Variants in GMDS observed in about 807,000 individuals in gnomAD.
The protein encoded by GMDS is GDP-mannose 4,6-dehydratase.
In GMDS, 20 loss-of-function variants were observed where a neutral mutation model predicts 49.9. The observed-to-expected ratio is 0.40, with a 90% CI of 0.28 to 0.58. GMDS has a LOEUF of 0.58. Ranked by LOEUF, GMDS falls within the 20% of genes least tolerant of loss-of-function variation. The probability of loss-of-function intolerance (pLI) is 0.42; values close to 1 mark genes in which losing one functional copy is unlikely to be tolerated. For missense variants in GMDS, 362 were observed against 481.4 expected (o/e 0.75, Z 2.32); for synonymous variants, 177 against 178.6 (o/e 0.99, Z 0.07).
intron 9 of GMDS, among the ~76,000 whole-genome samples, chr6:1,647,985 G>A (rs374961410): frequency 6.6e-6 from 1 of 152,188 alleles, no homozygotes; most frequent in African/African-American, 2.4e-5. Context: ...ATGCTCGGGT[G>A]CTCTGTACCT....
intron 4 of GMDS, among the ~76,000 whole-genome samples, chr6:2,050,252 T>C (rs1440425265): frequency 6.6e-6 from 1 of 152,162 alleles, no homozygotes; most frequent in East Asian, 1.9e-4. Context: ...TCAACACCTC[T>C]ACACAAATAA....
chr6:1,689,696 A>G (rs1309259054), intron 9 of GMDS, among the ~76,000 whole-genome samples: 1 of 152,210 alleles, frequency 6.6e-6, no homozygotes, highest in East Asian at 1.9e-4. Flanking sequence ...TTGTCCAACA[A>G]CATTGTCTAC....
intron 7 of GMDS, among the ~76,000 whole-genome samples, chr6:1,880,468 C>T (rs184293592): frequency 6.6e-5 from 10 of 151,974 alleles, no homozygotes; most frequent in East Asian, 1.9e-4. Context: ...AAAACAACAA[C>T]GACAAAGAAA....
At chr6:2,052,464 T>G (rs1441603427) in intron 4 of GMDS, among the ~76,000 whole-genome samples, 1 of 152,252 alleles carries the variant, frequency 6.6e-6, no homozygotes, top group Non-Finnish European at 1.5e-5. Flanking sequence ...CAGCAAGGTG[T>G]GCTTGGTCCT....
At chr6:1,643,813 A>T (rs1010307366) in intron 9 of GMDS, among the ~76,000 whole-genome samples, 1 of 152,146 alleles carries the variant, frequency 6.6e-6, no homozygotes, top group African/African-American at 2.4e-5. Flanking sequence ...TTATACCTCA[A>T]TAAAATTGTT....
At chr6:1,636,404 G>C (rs551174316) in intron 9 of GMDS, among the ~76,000 whole-genome samples, 2 of 152,354 alleles carry the variant, frequency 1.3e-5, no homozygotes, top group African/African-American at 4.8e-5. Context: ...GGCTGACAAA[G>C]GGCTAGCCTG....
intron 1 of GMDS, among the ~76,000 whole-genome samples, chr6:2,148,697 G>A (rs541359611): frequency 6.6e-6 from 1 of 152,348 alleles, no homozygotes; most frequent in East Asian, 1.9e-4. Context: ...TGGGATTACA[G>A]GCATGAACCA....
chr6:1,982,847 G>A (rs1263035354), intron 4 of GMDS, among the ~76,000 whole-genome samples: 1 of 152,114 alleles, frequency 6.6e-6, no homozygotes. Context: ...AACTACCATT[G>A]ACATTCTTAA....
chr6:1,773,851 A>G (rs1768681804), intron 7 of GMDS, among the ~76,000 whole-genome samples: 1 of 152,226 alleles, frequency 6.6e-6, no homozygotes, highest in African/African-American at 2.4e-5. Context: ...TTTTTAAGAA[A>G]TATCAAATCC....
At chr6:1,747,019 A>G (rs1269684973) in intron 7 of GMDS, among the ~76,000 whole-genome samples, 2 of 152,118 alleles carry the variant, frequency 1.3e-5, no homozygotes, top group African/African-American at 2.4e-5. Flanking sequence ...TAAATTTTAA[A>G]ATGTCAAATA....
At chr6:1,815,509 G>A (rs1581214033) in intron 7 of GMDS, among the ~76,000 whole-genome samples, 2 of 152,094 alleles carry the variant, frequency 1.3e-5, no homozygotes, top group Admixed American at 1.3e-4. Context: ...AATTAAAAGG[G>A]GACCTTCCAC....
At chr6:1,819,508 C>T (rs1031734017) in intron 7 of GMDS, among the ~76,000 whole-genome samples, 4 of 152,046 alleles carry the variant, frequency 2.6e-5, no homozygotes, top group Admixed American at 6.6e-5. Context: ...TGCCTGTAAT[C>T]CCAGCACTTT....
At chr6:2,166,319 C>T (rs568798559) in intron 1 of GMDS, among the ~76,000 whole-genome samples, 4 of 152,270 alleles carry the variant, frequency 2.6e-5, no homozygotes, top group Admixed American at 2.6e-4. Flanking sequence ...CAACTGTTCC[C>T]AAAGATTCCC....
Position 1,680,526 on chromosome 6 carries a change from C to T in GMDS, c.987+45890G>A, listed in dbSNP as rs151203209. ...CCAGGTGTTAGTTCTGATCCGGCAC[C>T]GTGACCTGACTTCTCACACGGAAAG... is the stretch of plus-strand genomic sequence containing the variant. On this transcript the variant is annotated intron_variant, in intron 9 of 10. Coordinates refer to ENST00000380815, the MANE Select transcript of GMDS (RefSeq NM_001500.4). Among the ~76,000 whole-genome samples, 9 of 132,270 alleles carry T rather than the reference C, an allele frequency of 6.8e-5. No homozygotes were observed. The South Asian group carries it at 1.3e-3, about 19-fold the overall frequency. The allele number at this position is 132,270 out of a possible 152,430, so 86.8% of individuals were successfully genotyped here. A position where few individuals can be genotyped will look rare whatever the true frequency, so the allele number is the denominator to read the frequency against.
At chr6:2,134,725 GAGTCATATAGTTA>G (rs71717145) in intron 1 of GMDS, among the ~76,000 whole-genome samples, 16,615 of 152,074 alleles carry the variant, frequency 0.11, 2,998 homozygotes, top group African/African-American at 0.38. Flanking sequence ...CAGTAGATTT[GAGTCATATAGTTA>G]AGTCATATAG....
At chr6:2,075,088 T>C (rs1399939750) in intron 4 of GMDS, among the ~76,000 whole-genome samples, 1 of 152,176 alleles carries the variant, frequency 6.6e-6, no homozygotes, top group East Asian at 1.9e-4. Flanking sequence ...TGCTTCCAGC[T>C]TTATTCCTTT....
intron 4 of GMDS, among the ~76,000 whole-genome samples, chr6:2,084,533 G>A (rs1246797780): frequency 1.3e-5 from 2 of 151,740 alleles, no homozygotes; most frequent in Admixed American, 6.6e-5. Context: ...TTGAGACGGA[G>A]TCTTGCTCTG....
intron 9 of GMDS, among the ~76,000 whole-genome samples, chr6:1,717,271 T>A (rs753557737): frequency 6.6e-6 from 1 of 152,218 alleles, no homozygotes; most frequent in Admixed American, 6.5e-5. Flanking sequence ...TAAACCAACA[T>A]AGATTTTAGA....
At chr6:2,011,621 A>G (rs1767565177) in intron 4 of GMDS, among the ~76,000 whole-genome samples, 1 of 151,578 alleles carries the variant, frequency 6.6e-6, no homozygotes, top group South Asian at 2.1e-4. Context: ...CATAAAAAAG[A>G]ACAAAATCAG....
Sources: allele counts gnomAD v4.1 joint callset (sites outside exome capture counted in the v4.1 genomes callset), GRCh38; gene constraint gnomAD v4.1.1; transcripts MANE v1.5; gene names NCBI Gene and HGNC (gene_info 2026-07-23, HGNC 2026-07-21).